GCSAML: variants seen among roughly 807,000 people sequenced by gnomAD.
GCSAML encodes germinal center associated signaling and motility like.
A neutral mutation model predicts 13.0 loss-of-function variants in GCSAML; 9 were observed. The observed-to-expected ratio is 0.69, with a 90% CI of 0.42 to 1.21. The LOEUF (loss-of-function observed/expected upper bound fraction) is 1.21. Among genes scored for constraint, GCSAML ranks in the 50% most tolerant of loss-of-function variants. GCSAML has a pLI of 0.00. For synonymous variants in GCSAML, 37 were observed against 52.9 expected (o/e 0.70, Z 1.31); for missense variants, 143 against 153.4 (o/e 0.93, Z 0.36).
chr1:247,574,636 G>C lies in GCSAML; in HGVS notation c.*254G>C. 1 of 421,292 alleles carries C rather than the reference G, an allele frequency of 2.4e-6. No homozygotes were observed. The highest frequency in any genetic ancestry group is 4.2e-6 in the Non-Finnish European group (1 of 239,754). The allele number at this position is 421,292 out of a possible 1,614,324, so 26.1% of individuals were successfully genotyped here. A position where few individuals can be genotyped will look rare whatever the true frequency, so the allele number is the denominator to read the frequency against. ...TTGTAAAGTTTGAGGACATGGAGGT[G>C]ATAAAAAAAACTTTCTTAGGACAAT... On this transcript the variant is annotated 3_prime_UTR_variant, in exon 5 of 5. Coordinates refer to ENST00000366488, the MANE Select transcript of GCSAML (RefSeq NM_145278.5).
At chr1:247,566,855 TA>T (rs1442871863) in intron 4 of GCSAML, among the ~76,000 whole-genome samples, 1 of 151,992 alleles carries the variant, frequency 6.6e-6, no homozygotes, top group Non-Finnish European at 1.5e-5. Flanking sequence ...TTTTTCTTAG[TA>T]TTTTATCTTA....
At chr1:247,559,813 C>T (rs1231410887) in intron 2 of GCSAML, among the ~76,000 whole-genome samples, 1 of 152,122 alleles carries the variant, frequency 6.6e-6, no homozygotes, top group Non-Finnish European at 1.5e-5. Flanking sequence ...ATTGTCTTCC[C>T]TCTGTGTTAC....
At chr1:247,561,475 A>G (rs564776736) in intron 2 of GCSAML, among the ~76,000 whole-genome samples, 14 of 152,260 alleles carry the variant, frequency 9.2e-5, no homozygotes, top group African/African-American at 3.1e-4. Flanking sequence ...TCACTGTGCT[A>G]TCAAATACTA....
At chr1:247,557,458 G>A (rs1336744880) in intron 2 of GCSAML, among the ~76,000 whole-genome samples, 1 of 152,128 alleles carries the variant, frequency 6.6e-6, no homozygotes, top group East Asian at 1.9e-4. Context: ...TTAACTGTAG[G>A]CTTTTCGTAT....
chr1:247,545,522 C>T (rs1446515633), upstream of GCSAML, among the ~76,000 whole-genome samples: 1 of 152,120 alleles, frequency 6.6e-6, no homozygotes, highest in East Asian at 1.9e-4. Context: ...CAAAGGGGTA[C>T]TTTGCACCCA....
At chr1:247,539,149 TG>T (rs1667323679) in intron 2 of GCSAML, among the ~76,000 whole-genome samples, 1 of 151,982 alleles carries the variant, frequency 6.6e-6, no homozygotes, top group Non-Finnish European at 1.5e-5. Context: ...TCCCTGAAAA[TG>T]GGATTTTAGG....
intron 1 of GCSAML, among the ~76,000 whole-genome samples, chr1:247,521,920 C>T (rs1391210408): frequency 7.2e-5 from 11 of 152,018 alleles, no homozygotes; most frequent in Admixed American, 6.5e-4. Flanking sequence ...GCCGCCATCC[C>T]GTCTAGGAAG....
chr1:247,546,406 T>C (rs1440254052), upstream of GCSAML, among the ~76,000 whole-genome samples: 1 of 152,170 alleles, frequency 6.6e-6, no homozygotes, highest in Non-Finnish European at 1.5e-5. Flanking sequence ...TCACCCAGGC[T>C]GGAGTGCAGT....
In GCSAML at chr1:247,526,993, G is replaced by A; in HGVS notation, c.-209G>A. On this transcript the variant is annotated 5_prime_UTR_variant, in exon 2 of 6. Transcript: ENST00000366489. This position sits in a 1 kb window ranked among gnomAD's most constrained non-coding sequence, Gnocchi z 4.8. The stretch of plus-strand genomic sequence containing the variant: ...GAGGATTCCAATAGTTCTACTGGAT[G>A]TGGAGCCAGAAATTGTGTGGAATGC... The A allele has an allele frequency of 2.2e-6, 1 of 456,740 alleles. No homozygotes were observed. Among genetic ancestry groups the A allele is most frequent in the South Asian group, 1.5e-5 (1 of 64,566 alleles). The allele number at this position is 456,740 out of a possible 1,614,324, so 28.3% of individuals were successfully genotyped here. A position where few individuals can be genotyped will look rare whatever the true frequency, so the allele number is the denominator to read the frequency against.
rs377031857 is a variant in GCSAML, at chr1:247,531,180, G to T, written c.-148+4126G>T. 477 of 224,640 alleles carry T rather than the reference G, an allele frequency of 2.1e-3. 13 individuals carry two copies. In the South Asian group the frequency reaches 0.03, roughly 14 times the overall value. The allele number at this position is 224,640 out of a possible 1,614,324, so 13.9% of individuals were successfully genotyped here. ...CTCCGGGGGCTCTGGGGAACAGGCC[G>T]GCTCCGGTCTCCCCGCGCGCTCTCA... On this transcript the variant is annotated intron_variant, in intron 2 of 5. Transcript: ENST00000366489.
At chr1:247,520,518 C>T (rs371039701) in intron 1 of GCSAML, among the ~76,000 whole-genome samples, 21 of 120,356 alleles carry the variant, frequency 1.7e-4, no homozygotes, top group African/African-American at 6.4e-4. Flanking sequence ...ATAAGTACCC[C>T]CACCTCTTCA....
chr1:247,547,027 G>T (rs1667608881), upstream of GCSAML, among the ~76,000 whole-genome samples: 1 of 151,938 alleles, frequency 6.6e-6, no homozygotes, highest in Admixed American at 6.6e-5. Flanking sequence ...GCTTGAGTCT[G>T]GGAGGTACAG....
At chr1:247,509,298 C>T (rs1180687671) in intron 1 of GCSAML, among the ~76,000 whole-genome samples, 1 of 152,140 alleles carries the variant, frequency 6.6e-6, no homozygotes, top group Non-Finnish European at 1.5e-5. Flanking sequence ...CATAATTTGG[C>T]TCTCTGTTTG....
chr1:247,563,006 A>ATT (rs35205676), intron 2 of GCSAML, among the ~76,000 whole-genome samples: 14,452 of 134,572 alleles, frequency 0.11, 1,005 homozygotes, highest in Admixed American at 0.22. Flanking sequence ...TACCCAGCTC[A>ATT]TTTTTTTTTT....
chr1:247,554,910 T>C (rs1199625041), intron 1 of GCSAML, among the ~76,000 whole-genome samples: 1 of 152,146 alleles, frequency 6.6e-6, no homozygotes, highest in Non-Finnish European at 1.5e-5. Flanking sequence ...TAATCTTAAT[T>C]CTTTGGCCAA....
At chr1:247,520,455 C>A (rs1275808628) in intron 1 of GCSAML, among the ~76,000 whole-genome samples, 1 of 152,006 alleles carries the variant, frequency 6.6e-6, no homozygotes, top group Admixed American at 6.5e-5. Context: ...TCCAGCCTAC[C>A]CTGAAGAGTT....
chr1:247,561,663 C>T (rs923732210), intron 2 of GCSAML, among the ~76,000 whole-genome samples: 2 of 152,036 alleles, frequency 1.3e-5, no homozygotes, highest in African/African-American at 4.8e-5. Context: ...TAACTATTAA[C>T]AATAATAAAC....
Position 247,574,940 on chromosome 1 carries a change from A to G in GCSAML, c.*558A>G, listed in dbSNP as rs1444886015. ...CACTGTCTGAGGGATTCCATCTATG[A>G]GACTTTGTCTACATAACAGAGACCT... On this transcript the variant is annotated 3_prime_UTR_variant, in exon 5 of 5. Coordinates refer to ENST00000366488, the MANE Select transcript of GCSAML (RefSeq NM_145278.5). 1 of 154,552 alleles carries G rather than the reference A, an allele frequency of 6.5e-6. No individual in the cohort carries two copies. The allele number at this position is 154,552 out of a possible 1,614,324, so 9.6% of individuals were successfully genotyped here.
At chr1:247,521,996 C>T (rs1259000438) in intron 1 of GCSAML, among the ~76,000 whole-genome samples, 20 of 151,050 alleles carry the variant, frequency 1.3e-4, no homozygotes, top group South Asian at 8.4e-4. Context: ...CCCGCTGCCC[C>T]GTCTGGGATG....
Sources: allele counts gnomAD v4.1 joint callset (sites outside exome capture counted in the v4.1 genomes callset), GRCh38; gene constraint gnomAD v4.1.1; non-coding constraint Gnocchi (gnomAD v3.1); transcripts MANE v1.5; gene names NCBI Gene and HGNC (gene_info 2026-07-23, HGNC 2026-07-21).